The following NRCAM variants were observed in gnomAD, a reference collection of about 807,000 sequenced individuals.
NRCAM encodes the protein NgCAM-related cell adhesion molecule.
In NRCAM, 83 loss-of-function variants were observed where a neutral mutation model predicts 156.5. The observed-to-expected ratio is 0.53, with a 90% CI of 0.44 to 0.64. The LOEUF is 0.64. Among genes scored for constraint, NRCAM ranks in the 30% least tolerant of loss-of-function variants. The pLI, the probability that NRCAM is intolerant of heterozygous loss-of-function variation, is 0.00. For missense variants in NRCAM, 1,417 were observed against 1,597.3 expected (o/e 0.89, Z 1.92); for synonymous variants, 538 against 563.9 (o/e 0.95, Z 0.65).
chr7:108,348,784 C>T (rs1044390278), intron 2 of NRCAM, among the ~76,000 whole-genome samples: 1 of 151,732 alleles, frequency 6.6e-6, no homozygotes, highest in African/African-American at 2.4e-5. Context: ...CCCTGTAGTC[C>T]CAGCCACTCG....
chr7:108,377,361 T>C (rs1217330902), intron 2 of NRCAM, among the ~76,000 whole-genome samples: 2 of 152,240 alleles, frequency 1.3e-5, no homozygotes, highest in East Asian at 1.9e-4. Context: ...TAGAAAAGCA[T>C]ATGAAAATAA....
At chr7:108,327,081 T>C (rs966381000) in intron 2 of NRCAM, among the ~76,000 whole-genome samples, 2 of 152,218 alleles carry the variant, frequency 1.3e-5, no homozygotes, top group Non-Finnish European at 2.9e-5. Flanking sequence ...AGAGCCTTCC[T>C]ATTAAGAGGC....
chr7:108,284,218 T>C (rs147222266), intron 3 of NRCAM, among the ~76,000 whole-genome samples: 3 of 152,280 alleles, frequency 2.0e-5, no homozygotes, highest in Non-Finnish European at 2.9e-5. Context: ...CATCTGATGT[T>C]TGAACTACTC....
At chr7:108,178,685 C>G (rs182746733) in intron 25 of NRCAM, among the ~76,000 whole-genome samples, 1 of 152,136 alleles carries the variant, frequency 6.6e-6, no homozygotes, top group Non-Finnish European at 1.5e-5. Flanking sequence ...GGGGAAGGCC[C>G]GAGGGGTCTC....
intron 3 of NRCAM, among the ~76,000 whole-genome samples, chr7:108,294,193 G>GTT (rs56717039): frequency 0.03 from 2,654 of 87,886 alleles, 87 homozygotes; most frequent in South Asian, 0.077. Context: ...TTCTTTACTG[G>GTT]TTTTTTTTTT....
chr7:108,310,531 G>A (rs987699290), intron 3 of NRCAM, among the ~76,000 whole-genome samples: 4 of 152,122 alleles, frequency 2.6e-5, no homozygotes, highest in African/African-American at 9.7e-5. Context: ...CCACAATTCT[G>A]GCTGCATGCA....
chr7:108,447,590 T>C (rs1457933985), intron 1 of NRCAM, among the ~76,000 whole-genome samples: 1 of 152,124 alleles, frequency 6.6e-6, no homozygotes, highest in African/African-American at 2.4e-5. Context: ...TTTCATATGC[T>C]AACTTTCTCA....
chr7:108,268,630 G>GGC (rs2097202288), intron 3 of NRCAM, among the ~76,000 whole-genome samples: 45 of 119,324 alleles, frequency 3.8e-4, no homozygotes, highest in Non-Finnish European at 4.7e-4. Context: ...GGGGGTGGGG[G>GGC]GGGGTTGGGG....
intron 3 of NRCAM, among the ~76,000 whole-genome samples, chr7:108,246,170 C>T (rs1304626379): frequency 6.6e-6 from 1 of 152,212 alleles, no homozygotes; most frequent in Non-Finnish European, 1.5e-5. Flanking sequence ...ATCCCACCTT[C>T]CAATCCAATC....
intron 2 of NRCAM, among the ~76,000 whole-genome samples, chr7:108,339,351 G>A (rs551428398): frequency 2.0e-5 from 3 of 152,300 alleles, no homozygotes; most frequent in African/African-American, 7.2e-5. Context: ...CCTGCGAGCT[G>A]TTTGCACTCA....
chr7:108,173,430 T>C (rs2059295256), intron 28 of NRCAM, among the ~76,000 whole-genome samples: 1 of 152,178 alleles, frequency 6.6e-6, no homozygotes, highest in Non-Finnish European at 1.5e-5. Flanking sequence ...AACTTCAATT[T>C]TTCTCCTGTC....
At chr7:108,385,160 A>G (rs1247127767) in intron 2 of NRCAM, among the ~76,000 whole-genome samples, 1 of 152,216 alleles carries the variant, frequency 6.6e-6, no homozygotes, top group Non-Finnish European at 1.5e-5. Flanking sequence ...TCCATCTTAC[A>G]TTTGTCTCCC....
intron 20 of NRCAM, among the ~76,000 whole-genome samples, chr7:108,186,706 T>G (rs1464172649): frequency 6.6e-6 from 1 of 152,260 alleles, no homozygotes. Flanking sequence ...CATCTTTATA[T>G]GTATTTATAT....
At chr7:108,170,249 A>G (rs753787997) in intron 28 of NRCAM, among the ~76,000 whole-genome samples, 8 of 152,180 alleles carry the variant, frequency 5.3e-5, no homozygotes, top group Non-Finnish European at 8.8e-5. Context: ...TTGCAACAAC[A>G]TGGATGAACC....
intron 26 of NRCAM, among the ~76,000 whole-genome samples, chr7:108,177,246 A>T (rs2060887364): frequency 1.3e-5 from 2 of 152,208 alleles, no homozygotes; most frequent in South Asian, 4.1e-4. Context: ...AGCTAAAAAA[A>T]GTTCATGTCA....
chr7:108,275,110 C>A (rs1365135650), intron 3 of NRCAM, among the ~76,000 whole-genome samples: 1 of 152,164 alleles, frequency 6.6e-6, no homozygotes, highest in African/African-American at 2.4e-5. Context: ...GGTGGATAAG[C>A]TTTTTGATGT....
chr7:108,401,560 A>G (rs79317105), intron 1 of NRCAM, among the ~76,000 whole-genome samples: 4,678 of 152,246 alleles, frequency 0.031, 105 homozygotes, highest in Middle Eastern at 0.054. Context: ...AACAACAGAA[A>G]ATAGTAATCT....
chr7:108,450,679 C>T (rs1849283182), intron 1 of NRCAM, among the ~76,000 whole-genome samples: 1 of 152,148 alleles, frequency 6.6e-6, no homozygotes. Flanking sequence ...GTATTACAGA[C>T]ATAGGTACTT....
chr7:108,209,383 C>G (rs766895075), intron 12 of NRCAM, 38 bp downstream of exon 12: 1 of 1,399,354 alleles, frequency 7.1e-7, no homozygotes, highest in Non-Finnish European at 9.7e-7. Context: ...TTCAGGGTCT[C>G]TCATGAAGGC....
Sources: allele counts gnomAD v4.1 joint callset (sites outside exome capture counted in the v4.1 genomes callset), GRCh38; gene constraint gnomAD v4.1.1; transcripts MANE v1.5; gene names NCBI Gene and HGNC (gene_info 2026-07-23, HGNC 2026-07-21).